The following MARK1 variants were observed in gnomAD, a reference collection of about 807,000 sequenced individuals.
MARK1 encodes serine/threonine-protein kinase MARK1.
A neutral mutation model predicts 96.3 loss-of-function variants in MARK1; 40 were observed. The observed-to-expected ratio is 0.42, with a 90% CI of 0.32 to 0.54. MARK1 has a LOEUF of 0.54. Among genes scored for constraint, MARK1 ranks in the 20% least tolerant of loss-of-function variants. The pLI is 0.16. For missense variants in MARK1, 719 were observed against 984.6 expected (o/e 0.73, Z 3.61); for synonymous variants, 317 against 341.2 (o/e 0.93, Z 0.78).
At chr1:220,529,137 G>T (rs868564654) in intron 1 of MARK1, among the ~76,000 whole-genome samples, 1 of 152,230 alleles carries the variant, frequency 6.6e-6, no homozygotes, top group Non-Finnish European at 1.5e-5. Flanking sequence ...GGCGGATGGG[G>T]TGATGGAGGG....
chr1:220,589,268 G>A (rs1166609543), intron 3 of MARK1, among the ~76,000 whole-genome samples: 2 of 152,156 alleles, frequency 1.3e-5, no homozygotes, highest in East Asian at 1.9e-4. Context: ...CTAGAATGAC[G>A]ATTGTCTAAG....
chr1:220,556,496 A>AAAC (rs1370348890), intron 1 of MARK1, among the ~76,000 whole-genome samples: 1 of 147,904 alleles, frequency 6.8e-6, no homozygotes, highest in East Asian at 2.0e-4. Flanking sequence ...AAAAAAAAAA[A>AAAC]AAAAAAAAAA....
At position 220,618,813 on chromosome 1, in the gene MARK1, C is replaced by A; in HGVS notation, c.909+58C>A. On this transcript the variant is annotated intron_variant, in intron 9 of 17. Coordinates refer to ENST00000366917, the MANE Select transcript of MARK1 (RefSeq NM_018650.5). This position sits in a 1 kb window ranked among gnomAD's most constrained non-coding sequence, Gnocchi z 4.6. Reference sequence around the variant, plus strand: ...TTAACAATTAAAATATTCCAGGAACCGAAGAGCATTTTTCTCCTATGTTTT... The same window carrying A: ...TTAACAATTAAAATATTCCAGGAACAGAAGAGCATTTTTCTCCTATGTTTT... The A allele has an allele frequency of 7.0e-7, 1 of 1,429,636 alleles. No individual in the cohort carries two copies. Among genetic ancestry groups the A allele is most frequent in the African/African-American group, 1.5e-5 (1 of 68,538 alleles). The allele number at this position is 1,429,636 out of a possible 1,614,324, so 88.6% of individuals were successfully genotyped here. A position where few individuals can be genotyped will look rare whatever the true frequency, so the allele number is the denominator to read the frequency against.
intron 9 of MARK1, chr1:220,625,987 T>C (rs1167612860): frequency 5.5e-6 from 3 of 549,794 alleles, no homozygotes; most frequent in Non-Finnish European, 1.1e-5. Context: ...TTCAGATACA[T>C]GTTCGAGCAC....
intron 1 of MARK1, among the ~76,000 whole-genome samples, chr1:220,573,833 G>A (rs550689850): frequency 6.6e-6 from 1 of 151,580 alleles, no homozygotes; most frequent in East Asian, 1.9e-4. Flanking sequence ...TAGTATATAT[G>A]TAGTATATAT....
At chr1:220,545,482 G>T (rs1262699237) in intron 1 of MARK1, among the ~76,000 whole-genome samples, 5 of 140,512 alleles carry the variant, frequency 3.6e-5, no homozygotes, top group African/African-American at 1.4e-4. Context: ...TCTTGCTCAG[G>T]CTAGAGTGCA....
At chr1:220,541,105 G>C (rs923533414) in intron 1 of MARK1, among the ~76,000 whole-genome samples, 9 of 151,954 alleles carry the variant, frequency 5.9e-5, no homozygotes, top group African/African-American at 2.2e-4. Context: ...GCTAATTTTT[G>C]TATTTTTAGA....
chr1:220,605,038 GACCAAAT>G (rs1255505991), intron 6 of MARK1, among the ~76,000 whole-genome samples: 1 of 151,702 alleles, frequency 6.6e-6, no homozygotes, highest in Non-Finnish European at 1.5e-5. Flanking sequence ...GTTCGGAAAA[GACCAAAT>G]ACTGATATAA....
At chr1:220,640,112 A>G (rs377027322) in intron 13 of MARK1, among the ~76,000 whole-genome samples, 3 of 152,216 alleles carry the variant, frequency 2.0e-5, no homozygotes, top group East Asian at 3.8e-4. Flanking sequence ...AGCATTTACA[A>G]TTCAAGCCCT....
chr1:220,546,267 T>G (rs1310286394), intron 1 of MARK1, among the ~76,000 whole-genome samples: 3 of 152,202 alleles, frequency 2.0e-5, no homozygotes, highest in Non-Finnish European at 4.4e-5. Context: ...TAATTTTTTA[T>G]TTAACACCAG....
Position 220,655,191 on chromosome 1 carries a change from C to T in MARK1, c.1988+1839C>T, listed in dbSNP as rs561502014. On this transcript the variant is annotated intron_variant, in intron 16 of 17. Coordinates refer to ENST00000366917, the MANE Select transcript of MARK1 (RefSeq NM_018650.5). ...CTTTTTTCAGATTCCCTTGCCTTTC[C>T]CCCAACCTCTAAATATTAGAATGCC... Among the ~76,000 whole-genome samples, 7 of 152,262 alleles carry T rather than the reference C, an allele frequency of 4.6e-5. No homozygotes were observed. The East Asian group carries it at 1.4e-3, about 29-fold the overall frequency.
intron 13 of MARK1, among the ~76,000 whole-genome samples, chr1:220,645,107 A>G (rs1317569776): frequency 6.6e-6 from 1 of 152,032 alleles, no homozygotes; most frequent in Non-Finnish European, 1.5e-5. Flanking sequence ...GACATGAAAA[A>G]CTCTTCAAAA....
At chr1:220,529,543 G>A (rs1660164582) in intron 1 of MARK1, among the ~76,000 whole-genome samples, 2 of 152,134 alleles carry the variant, frequency 1.3e-5, no homozygotes, top group Non-Finnish European at 2.9e-5. Context: ...ATGAAGCCAA[G>A]GGCTTTTTAA....
intron 6 of MARK1, among the ~76,000 whole-genome samples, chr1:220,605,812 G>T (rs1666038820): frequency 1.3e-5 from 2 of 152,060 alleles, no homozygotes; most frequent in Non-Finnish European, 2.9e-5. Context: ...ACGGTTTCCA[G>T]CTTTATCCAC....
At position 220,632,255 on chromosome 1, in the gene MARK1, A is replaced by T. The variant is rs771360355; in HGVS notation, c.1064A>T (p.Asn355Ile). ...GATGAAATAAATGATGCCTTAATAA[A>T]TCAGAAGTATGATGAAGTTATGGCT... ...ARDEINDALI[N>I]QKYDEVMATY... Residue 355 changes from asparagine to isoleucine, a missense_variant, in exon 11 of 18, where the codon AAT becomes ATT. By Grantham distance (149) the Asn-to-Ile change is moderately radical. Around this residue, in one of 4 missense-constraint regions of MARK1, gnomAD observed 501 missense variants for 588.3 expected, o/e 0.85. Coordinates refer to ENST00000366917, the MANE Select transcript of MARK1 (RefSeq NM_018650.5). The T allele has an allele frequency of 6.4e-7, 1 of 1,565,204 alleles. No individual in the cohort carries two copies. The highest frequency in any genetic ancestry group is 8.6e-7 in the Non-Finnish European group (1 of 1,156,980).
rs145959587 is a variant in MARK1 at position 220,606,860 on chromosome 1, T to C, written c.495+2723T>C. Among the ~76,000 whole-genome samples, 553 of 152,280 alleles carry C rather than the reference T, an allele frequency of 3.6e-3. 5 individuals carry two copies. The highest frequency in any genetic ancestry group is 0.013 in the African/African-American group (522 of 41,570). ...TGTGCGGCATTATTTCTGAGGCCTC[T>C]GTTCTGTTCCATTGGTCTGTATTTC... On this transcript the variant is annotated intron_variant, in intron 6 of 17. Coordinates refer to ENST00000366917, the MANE Select transcript of MARK1 (RefSeq NM_018650.5).
intron 13 of MARK1, among the ~76,000 whole-genome samples, chr1:220,649,722 A>T (rs1228189424): frequency 2.0e-5 from 3 of 152,270 alleles, no homozygotes; most frequent in South Asian, 2.1e-4. Flanking sequence ...TTCAAAGTGA[A>T]TTCAAGCAAG....
At chr1:220,601,867 G>A (rs1169792395) in intron 5 of MARK1, among the ~76,000 whole-genome samples, 2 of 152,174 alleles carry the variant, frequency 1.3e-5, no homozygotes, top group African/African-American at 4.8e-5. Flanking sequence ...GGGGAGTAGT[G>A]TAGAGAAATG....
rs1667720424 is a variant in MARK1 at position 220,632,280 on chromosome 1, T to A, written c.1089T>A (p.Ala363=). ...LINQKYDEVM[A]TYILLGRKPP... ...ATCAGAAGTATGATGAAGTTATGGC[T>A]ACTTATATTCTTCTAGGTAGAAAAC... Residue 363 remains alanine, a synonymous_variant, in exon 11 of 18, where the codon GCT becomes GCA. Coordinates refer to ENST00000366917, the MANE Select transcript of MARK1 (RefSeq NM_018650.5). 6.4e-7 allele frequency: 1 copy of A among 1,563,922 alleles called. No homozygotes were observed. Among genetic ancestry groups the A allele is most frequent in the South Asian group, 1.3e-5 (1 of 79,612 alleles).
Sources: allele counts gnomAD v4.1 joint callset (sites outside exome capture counted in the v4.1 genomes callset), GRCh38; gene constraint gnomAD v4.1.1; regional missense constraint gnomAD v4.1.1; non-coding constraint Gnocchi (gnomAD v3.1); transcripts MANE v1.5; gene names NCBI Gene and HGNC (gene_info 2026-07-23, HGNC 2026-07-21).